DPP10: variants seen among roughly 807,000 people sequenced by gnomAD.
The protein encoded by DPP10 is inactive dipeptidyl peptidase 10.
In DPP10, 33 loss-of-function variants were observed where a neutral mutation model predicts 120.9. The observed-to-expected ratio is 0.27, with a 90% confidence interval of 0.21 to 0.37. The LOEUF is 0.37. Ranked by LOEUF, DPP10 falls within the 10% of genes least tolerant of loss-of-function variation. The pLI is 1.00. For missense variants in DPP10, 816 were observed against 942.8 expected (o/e 0.87, Z 1.76); for synonymous variants, 337 against 326.1 (o/e 1.03, Z -0.36).
At chr2:114,926,710 C>G (rs764018425) in intron 1 of DPP10, among the ~76,000 whole-genome samples, 1 of 152,160 alleles carries the variant, frequency 6.6e-6, no homozygotes, top group African/African-American at 2.4e-5. Context: ...TGGAATCACA[C>G]CCCTGGAGGA....
In DPP10 at chr2:115,135,471, G is replaced by T. The variant is rs182857344; in HGVS notation, c.61-173768G>T. On this transcript the variant is annotated intron_variant, in intron 1 of 25. Transcript: ENST00000410059. ...ACCCAGTTTTACATTCCATTTTCAA[G>T]GTCAGCGAAAAACAGAGAAGGCCTC... Among the ~76,000 whole-genome samples the T allele has an allele frequency of 9.1e-4, 139 of 152,156 alleles. 5 individuals are homozygous for T. Among genetic ancestry groups the T allele is most frequent in the African/African-American group, 3.2e-3 (132 of 41,488 alleles).
At chr2:115,637,760 G>T (rs2086464588) in intron 5 of DPP10, among the ~76,000 whole-genome samples, 1 of 152,264 alleles carries the variant, frequency 6.6e-6, no homozygotes, top group African/African-American at 2.4e-5. Flanking sequence ...TGACCTGGGG[G>T]GAAGCCTACA....
chr2:115,723,351 C>T (rs887018969), intron 7 of DPP10, among the ~76,000 whole-genome samples: 1 of 152,120 alleles, frequency 6.6e-6, no homozygotes, highest in Non-Finnish European at 1.5e-5. Flanking sequence ...TTCTCTCTTG[C>T]TTTTGTCACT....
At chr2:115,650,531 A>G (rs941898077) in intron 5 of DPP10, among the ~76,000 whole-genome samples, 12 of 152,092 alleles carry the variant, frequency 7.9e-5, no homozygotes, top group Admixed American at 7.2e-4. Flanking sequence ...TTAATCAGTT[A>G]CATCTATTAC....
intron 2 of DPP10, among the ~76,000 whole-genome samples, chr2:115,330,346 A>G (rs1419528752): frequency 1.6e-4 from 24 of 151,878 alleles, no homozygotes; most frequent in Non-Finnish European, 2.7e-4. Flanking sequence ...CCTTTGTCAG[A>G]TGAGTAGATT....
At chr2:115,592,589 CAA>C (rs56189518) in intron 5 of DPP10, among the ~76,000 whole-genome samples, 34 of 146,546 alleles carry the variant, frequency 2.3e-4, no homozygotes, top group Middle Eastern at 3.5e-3. Flanking sequence ...ACAAAAAAAA[CAA>C]AAAAAAAAAC....
chr2:115,443,559 C>G (rs2072277227), intron 3 of DPP10, among the ~76,000 whole-genome samples: 1 of 152,102 alleles, frequency 6.6e-6, no homozygotes, highest in African/African-American at 2.4e-5. Context: ...ATAGGATATA[C>G]TGTAGGTAAG....
At chr2:115,186,447 G>A (rs1476723174) in intron 1 of DPP10, among the ~76,000 whole-genome samples, 2 of 152,150 alleles carry the variant, frequency 1.3e-5, no homozygotes, top group East Asian at 1.9e-4. Context: ...GTGTAACAGA[G>A]CATGCAGTCA....
chr2:114,849,909 C>T (rs1688818025), intron 1 of DPP10, among the ~76,000 whole-genome samples: 2 of 151,848 alleles, frequency 1.3e-5, no homozygotes, highest in South Asian at 4.2e-4. Context: ...TGCTTTATCC[C>T]AATTTTTTCT....
At chr2:114,507,955 G>A (rs1451226568) in intron 1 of DPP10, among the ~76,000 whole-genome samples, 1 of 152,038 alleles carries the variant, frequency 6.6e-6, no homozygotes, top group Non-Finnish European at 1.5e-5. Flanking sequence ...CTGAAAAAAT[G>A]GCAAGTAGAA....
intron 3 of DPP10, among the ~76,000 whole-genome samples, chr2:115,470,677 A>G (rs1238623780): frequency 6.6e-6 from 1 of 152,196 alleles, no homozygotes; most frequent in Non-Finnish European, 1.5e-5. Context: ...CCCAACATCA[A>G]AGCCATTTCT....
At chr2:115,490,355 C>T (rs1340826453) in intron 3 of DPP10, among the ~76,000 whole-genome samples, 1 of 152,118 alleles carries the variant, frequency 6.6e-6, no homozygotes, top group Non-Finnish European at 1.5e-5. Context: ...TGTGAGAACT[C>T]ACTCGCTATC....
At chr2:114,859,381 A>G (rs866351022) in intron 1 of DPP10, among the ~76,000 whole-genome samples, 12 of 151,578 alleles carry the variant, frequency 7.9e-5, no homozygotes, top group Non-Finnish European at 1.6e-4. Flanking sequence ...AAAAAAAAAA[A>G]AGAGAAAGAA....
intron 1 of DPP10, among the ~76,000 whole-genome samples, chr2:114,990,357 G>A (rs1437395891): frequency 6.6e-6 from 1 of 151,980 alleles, no homozygotes; most frequent in African/African-American, 2.4e-5. Context: ...TGTGAAAAAA[G>A]TCACTTAAAT....
At chr2:115,819,524 T>A (rs1194985185) in intron 21 of DPP10, among the ~76,000 whole-genome samples, 1 of 152,016 alleles carries the variant, frequency 6.6e-6, no homozygotes, top group African/African-American at 2.4e-5. Flanking sequence ...TCCATCCCTC[T>A]TTTTTTTGTT....
chr2:114,722,422 A>G (rs1325172939), intron 1 of DPP10, among the ~76,000 whole-genome samples: 1 of 152,124 alleles, frequency 6.6e-6, no homozygotes, highest in Non-Finnish European at 1.5e-5. Context: ...TAGAGAATCT[A>G]AAGTTTTTTT....
intron 1 of DPP10, among the ~76,000 whole-genome samples, chr2:115,152,050 T>C (rs890381566): frequency 2.0e-5 from 3 of 152,234 alleles, no homozygotes; most frequent in African/African-American, 7.2e-5. Flanking sequence ...ATTTTCTTAA[T>C]GTCCTTTAGC....
At position 114,722,068 on chromosome 2, in the gene DPP10, T is replaced by C. The variant is rs547821469; in HGVS notation, c.60+279230T>C. ...CAAATGCCAGTTTTTTCATTTATCTTATATGAGGGAGGTAAGGGAAGATTA... is the reference window on the plus strand; with the variant it reads ...CAAATGCCAGTTTTTTCATTTATCTCATATGAGGGAGGTAAGGGAAGATTA... On this transcript the variant is annotated intron_variant, in intron 1 of 25. Transcript: ENST00000410059. 3.3e-5 allele frequency among the ~76,000 whole-genome samples: 5 copies of C among 152,248 alleles called. No homozygotes were observed. In the South Asian group the frequency reaches 8.3e-4, roughly 25 times the overall value.
chr2:114,486,040 G>A (rs1048381015), intron 1 of DPP10, among the ~76,000 whole-genome samples: 3 of 152,152 alleles, frequency 2.0e-5, no homozygotes, highest in Non-Finnish European at 2.9e-5. Context: ...TGGAAGATTC[G>A]TTAGTGCCAC....
Sources: gnomAD v4.1 joint callset for allele counts (sites outside exome capture counted in the v4.1 genomes callset) on GRCh38, gnomAD v4.1.1 for gene constraint, MANE v1.5 for transcripts, NCBI Gene and HGNC (gene_info 2026-07-23, HGNC 2026-07-21) for gene names.